Variants in ZFHX3 observed in about 807,000 individuals in gnomAD.
ZFHX3 encodes zinc finger homeobox protein 3.
In ZFHX3, 42 loss-of-function variants were observed where a neutral mutation model predicts 279.1. The ratio of observed to expected loss-of-function variants is 0.15; its 90% confidence interval spans 0.12 to 0.19. The LOEUF (loss-of-function observed/expected upper bound fraction) is 0.19. Ranked by LOEUF, ZFHX3 falls within the 10% of genes least tolerant of loss-of-function variation. The probability of loss-of-function intolerance (pLI) is 1.00; values close to 1 mark genes in which losing one functional copy is unlikely to be tolerated. For synonymous variants in ZFHX3, 2,293 were observed against 1,957.8 expected, an observed-to-expected ratio of 1.17 and a Z score of -4.52; for missense variants, 4,981 against 4,754.0, an observed-to-expected ratio of 1.05 and a Z score of -1.40.
rs185444493 is a variant in ZFHX3 at position 73,683,217 on chromosome 16, C to G, written c.-1607-2977G>C. Among the ~76,000 whole-genome samples the G allele has an allele frequency of 5.7e-3, 868 of 152,256 alleles. 8 individuals carry two copies. Among genetic ancestry groups the G allele is most frequent in the Middle Eastern group, 0.014 (4 of 294 alleles). On this transcript the variant is annotated intron_variant, in intron 1 of 17. Transcript: ENST00000641206. ...ATAATGGGTGAATGTACAACTACCA[C>G]AAGTCTTGTGAAATAGTAGACTAGC...
chr16:73,275,864 A>G (rs1319107653), intron 4 of ZFHX3, among the ~76,000 whole-genome samples: 2 of 152,154 alleles, frequency 1.3e-5, no homozygotes, highest in Admixed American at 1.3e-4. Flanking sequence ...AAGCACAATA[A>G]AAGAAGGTAT....
chr16:73,446,028 A>G (rs937327576), intron 3 of ZFHX3, among the ~76,000 whole-genome samples: 3 of 152,228 alleles, frequency 2.0e-5, no homozygotes, highest in African/African-American at 7.2e-5. Flanking sequence ...TTACAAATAA[A>G]TGAATTTTAC....
At chr16:73,671,491 AT>A (rs1397868947) in intron 2 of ZFHX3, among the ~76,000 whole-genome samples, 1 of 152,232 alleles carries the variant, frequency 6.6e-6, no homozygotes, top group Non-Finnish European at 1.5e-5. Context: ...TTTTCTGATT[AT>A]TTTTAGAAAA....
chr16:72,990,068 C>A (rs533909755), intron 1 of ZFHX3, among the ~76,000 whole-genome samples: 4 of 152,112 alleles, frequency 2.6e-5, no homozygotes, highest in Admixed American at 6.5e-5. Context: ...GGGTTTTTTT[C>A]CCCCCACCGT....
chr16:73,137,592 TTTTA>T (rs1966815817), intron 6 of ZFHX3: 1 of 152,138 alleles, frequency 6.6e-6, no homozygotes, highest in South Asian at 2.1e-4. Context: ...GGCAAGTTGT[TTTTA>T]TTTATTTCTT....
At chr16:73,570,617 G>C (rs1337406023) in intron 2 of ZFHX3, among the ~76,000 whole-genome samples, 1 of 152,072 alleles carries the variant, frequency 6.6e-6, no homozygotes, top group African/African-American at 2.4e-5. Context: ...TCTTTGAAAA[G>C]TTTCTTGGGC....
rs201611935 is a variant in ZFHX3 at position 72,960,118 on chromosome 16, A to C, written c.28T>G (p.Ser10Ala). 8.8e-6 allele frequency: 14 copies of C among 1,593,266 alleles called. No individual in the cohort carries two copies. The East Asian group carries it at 2.9e-4, about 33-fold the overall frequency. MEGCDSPVV[S>A]GKDNGCGIPQ... ...ATACCGCACCCATTGTCCTTCCCCG[A>C]GACGACGGGCGAGTCACAGCCTTCC... is the stretch of plus-strand genomic sequence containing the variant. Residue 10 changes from serine to alanine, a missense_variant, in exon 2 of 10, where the codon TCG becomes GCG. Physicochemically the swap from Ser to Ala is moderately conservative, Grantham distance 99. This residue lies in a region of ZFHX3 where 1,068 missense variants were observed against 935.2 expected (regional missense o/e 1.14). Coordinates refer to ENST00000268489, the MANE Select transcript of ZFHX3 (RefSeq NM_006885.4).
chr16:73,029,138 C>T (rs1366941796), intron 1 of ZFHX3, among the ~76,000 whole-genome samples: 1 of 152,136 alleles, frequency 6.6e-6, no homozygotes, highest in Non-Finnish European at 1.5e-5. Context: ...GCCATCTTGG[C>T]TGCCCAGGGG....
chr16:72,980,870 C>G (rs1962567392), intron 1 of ZFHX3, among the ~76,000 whole-genome samples: 1 of 152,186 alleles, frequency 6.6e-6, no homozygotes, highest in Non-Finnish European at 1.5e-5. Context: ...CGGAACAAAT[C>G]TAGCCAAAAG....
chr16:73,194,418 T>G (rs1036913306), intron 5 of ZFHX3, among the ~76,000 whole-genome samples: 6 of 152,132 alleles, frequency 3.9e-5, no homozygotes, highest in South Asian at 4.1e-4. Context: ...CAGGCTGGTC[T>G]CAAACTCCTG....
chr16:73,718,772 C>T (rs8050024), intron 1 of ZFHX3, among the ~76,000 whole-genome samples: 119,036 of 151,658 alleles, frequency 0.78, 48,592 homozygotes, highest in Middle Eastern at 0.9. Flanking sequence ...CACACCACCA[C>T]GTCCAGCTAA....
intron 2 of ZFHX3, among the ~76,000 whole-genome samples, chr16:73,509,448 T>G (rs1297285901): frequency 6.6e-6 from 1 of 151,640 alleles, no homozygotes; most frequent in East Asian, 1.9e-4. Context: ...TGATGTGGGC[T>G]CTGACTACAT....
intron 5 of ZFHX3, among the ~76,000 whole-genome samples, chr16:73,175,501 A>G (rs1243412767): frequency 2.6e-5 from 4 of 152,128 alleles, no homozygotes; most frequent in Non-Finnish European, 2.9e-5. Flanking sequence ...CATTTTCATC[A>G]CCAGTAGAGT....
chr16:72,885,662 T>C (rs1322444851), intron 4 of ZFHX3, among the ~76,000 whole-genome samples: 1 of 152,148 alleles, frequency 6.6e-6, no homozygotes, highest in East Asian at 1.9e-4. Flanking sequence ...GGAGGTGACA[T>C]GAGACTGGGG....
chr16:73,750,241 GA>G (rs1461450214), intron 1 of ZFHX3, among the ~76,000 whole-genome samples: 1 of 152,048 alleles, frequency 6.6e-6, no homozygotes, highest in East Asian at 1.9e-4. Flanking sequence ...GTCCCAGGAA[GA>G]AAAAAACAGA....
chr16:73,814,237 A>G (rs531833984), intron 1 of ZFHX3, among the ~76,000 whole-genome samples: 4 of 152,292 alleles, frequency 2.6e-5, no homozygotes, highest in African/African-American at 9.6e-5. Context: ...ACCATTGTCA[A>G]CTGCCAAATG....
chr16:73,447,664 A>T (rs1298265012), intron 3 of ZFHX3, among the ~76,000 whole-genome samples: 1 of 152,196 alleles, frequency 6.6e-6, no homozygotes, highest in South Asian at 2.1e-4. Context: ...GACCCAATAC[A>T]GACAACAGAT....
rs193295991 is a variant in ZFHX3 at position 73,120,407 on chromosome 16, A to C, written c.-897+10561T>G. ...CAGCCTCCTGAGTAGCTGGGACTACAGGCACATGCCACCATGCTCCATTAA... is the reference window on the plus strand; with the variant it reads ...CAGCCTCCTGAGTAGCTGGGACTACCGGCACATGCCACCATGCTCCATTAA... On this transcript the variant is annotated intron_variant, in intron 7 of 17. Coordinates refer to the ZFHX3 transcript ENST00000641206. 3.6e-3 allele frequency among the ~76,000 whole-genome samples: 553 copies of C among 152,102 alleles called. 6 individuals carry two copies. The highest frequency in any genetic ancestry group is 1.3e-3 in the Non-Finnish European group (88 of 68,006).
At chr16:73,356,756 T>C (rs2016347249) in intron 3 of ZFHX3, among the ~76,000 whole-genome samples, 1 of 152,044 alleles carries the variant, frequency 6.6e-6, no homozygotes, top group African/African-American at 2.4e-5. Flanking sequence ...TAGATTTTGT[T>C]CGGTTTCACT....
Sources: gnomAD v4.1 joint callset for allele counts (sites outside exome capture counted in the v4.1 genomes callset) on GRCh38, gnomAD v4.1.1 for gene constraint, gnomAD v4.1.1 regional missense constraint, MANE v1.5 for transcripts, NCBI Gene and HGNC (gene_info 2026-07-23, HGNC 2026-07-21) for gene names.